The following PTPRO variants were observed in gnomAD, a reference collection of about 807,000 sequenced individuals.
The protein encoded by PTPRO is protein tyrosine phosphatase receptor type O.
PTPRO carries 62 observed loss-of-function variants against 145.2 expected under a neutral mutation model. The observed-to-expected ratio is 0.43, with a 90% CI of 0.35 to 0.53. The LOEUF (loss-of-function observed/expected upper bound fraction) is 0.53. PTPRO is among the 20% of genes least tolerant of loss of function. PTPRO has a pLI of 0.01. For synonymous variants in PTPRO, 565 were observed against 514.7 expected (o/e 1.10, Z -1.32); for missense variants, 1,345 against 1,482.7 (o/e 0.91, Z 1.53).
chr12:15,362,782 C>G (rs11056452), intron 1 of PTPRO, among the ~76,000 whole-genome samples: 1 of 151,702 alleles, frequency 6.6e-6, no homozygotes, highest in East Asian at 1.9e-4. Context: ...TAAAATAAAA[C>G]GATATTATAG....
intron 10 of PTPRO, 126 bp from the exon 11 acceptor site, chr12:15,524,688 C>T (rs116604240): frequency 4.1e-4 from 414 of 1,017,510 alleles, no homozygotes; most frequent in African/African-American, 3.9e-3. Context: ...CTGAAGTTAC[C>T]GGGACTATCG....
rs1866342742 is a variant in PTPRO at position 15,322,928 on chromosome 12, G to A, written c.75+127G>A. ...GGCCCAGCCGCGGGAAGCGCCTGCCGTGCAGCCTGGGCGCACGCTTTGTTG... is the reference window on the plus strand; with the variant it reads ...GGCCCAGCCGCGGGAAGCGCCTGCCATGCAGCCTGGGCGCACGCTTTGTTG... On this transcript the variant is annotated intron_variant, in intron 1 of 26. Coordinates refer to ENST00000281171, the MANE Select transcript of PTPRO (RefSeq NM_030667.3). The surrounding 1 kb of genome is among the most constrained non-coding windows in gnomAD (Gnocchi z 6.3). 1 of 887,106 alleles carries A rather than the reference G, an allele frequency of 1.1e-6. No homozygotes were observed. The highest frequency in any genetic ancestry group is 1.7e-6 in the Non-Finnish European group (1 of 586,108). 55.0% of individuals were successfully genotyped at this position (887,106 alleles called of 1,614,324 possible).
chr12:15,526,057 G>C (rs766172493), intron 11 of PTPRO, 85 bp from the exon 12 acceptor site: 22 of 1,504,182 alleles, frequency 1.5e-5, no homozygotes, highest in Non-Finnish European at 2.0e-5. Context: ...GAGGGAATGT[G>C]TCTGCTATAG....
rs202155227 is a variant in PTPRO at position 15,581,786 on chromosome 12, C to G, written c.3240C>G (p.His1080Gln). ...EEEQDDWACR[H>Q]FRINYADEMQ... Reference sequence around the variant, plus strand: ...AGCAGGACGACTGGGCCTGTAGACACTTCCGGATCAACTATGTAAGTCACC... The same window carrying G: ...AGCAGGACGACTGGGCCTGTAGACAGTTCCGGATCAACTATGTAAGTCACC... The change falls in exon 23 of 27, where the codon CAC (histidine) becomes CAG (glutamine). Residue 1080 changes from histidine to glutamine, a missense_variant. His to Gln is a conservative substitution (Grantham distance 24). Around this residue, in one of 3 missense-constraint regions of PTPRO, gnomAD observed 208 missense variants for 242.8 expected, o/e 0.86. Coordinates refer to ENST00000281171, the MANE Select transcript of PTPRO (RefSeq NM_030667.3). 1.3e-5 allele frequency: 21 copies of G among 1,613,858 alleles called. No homozygotes were observed. Among genetic ancestry groups the G allele is most frequent in the Non-Finnish European group, 1.7e-5 (20 of 1,179,906 alleles).
chr12:15,551,674 A>G lies in PTPRO; in HGVS notation c.2558+3A>G. 1 of 1,612,988 alleles carries G rather than the reference A, an allele frequency of 6.2e-7. No individual in the cohort carries two copies. Among genetic ancestry groups the G allele is most frequent in the African/African-American group, 1.3e-5 (1 of 75,016 alleles). ...AAAAAGCATCTGCAGATGGCTAGGT[A>G]AGTTAAGTTTTACTAATATTTTATC... On this transcript the variant is annotated splice_donor_region_variant and intron_variant, in intron 15 of 26. Transcript: ENST00000281171.
intron 1 of PTPRO, among the ~76,000 whole-genome samples, chr12:15,478,917 C>T (rs897832953): frequency 1.3e-5 from 2 of 152,076 alleles, no homozygotes; most frequent in Admixed American, 6.5e-5. Context: ...GTGATCCGCC[C>T]GCCTCGGCCT....
chr12:15,430,051 G>A (rs1204203136), intron 1 of PTPRO, among the ~76,000 whole-genome samples: 2 of 151,778 alleles, frequency 1.3e-5, no homozygotes, highest in Non-Finnish European at 2.9e-5. Context: ...TTGAGTTTGC[G>A]GTGCCTTTCT....
chr12:15,585,251 C>T (rs1481593337), intron 23 of PTPRO, among the ~76,000 whole-genome samples: 2 of 152,216 alleles, frequency 1.3e-5, no homozygotes, highest in Non-Finnish European at 2.9e-5. Flanking sequence ...CCTGAACTTT[C>T]CTGGCAACCA....
chr12:15,551,200 A>G (rs1484039628), intron 14 of PTPRO, among the ~76,000 whole-genome samples: 1 of 152,214 alleles, frequency 6.6e-6, no homozygotes, highest in Non-Finnish European at 1.5e-5. Context: ...AAAATGTTAA[A>G]AAACGATAAT....
At chr12:15,436,236 C>T (rs1476499298) in intron 1 of PTPRO, among the ~76,000 whole-genome samples, 5 of 152,070 alleles carry the variant, frequency 3.3e-5, no homozygotes. Context: ...CAAGAGCAAA[C>T]ACATTCAAAA....
chr12:15,413,650 A>G (rs1358244608), intron 1 of PTPRO, among the ~76,000 whole-genome samples: 1 of 152,076 alleles, frequency 6.6e-6, no homozygotes, highest in Non-Finnish European at 1.5e-5. Flanking sequence ...CCCTGTCTCT[A>G]CTAAAAATAC....
chr12:15,450,716 T>A (rs1941022884), intron 1 of PTPRO, among the ~76,000 whole-genome samples: 1 of 152,046 alleles, frequency 6.6e-6, no homozygotes, highest in South Asian at 2.1e-4. Context: ...AAGGCCATAG[T>A]GAGCCATGAT....
intron 1 of PTPRO, 100 bp from the exon 2 acceptor site, chr12:15,483,874 T>C (rs538832285): frequency 7.7e-7 from 1 of 1,306,030 alleles, no homozygotes; most frequent in Non-Finnish European, 1.1e-6. Flanking sequence ...TAACTAATGT[T>C]TATGATACAC....
chr12:15,590,111 A>G (rs1944514614), intron 25 of PTPRO, among the ~76,000 whole-genome samples: 1 of 152,198 alleles, frequency 6.6e-6, no homozygotes, highest in Non-Finnish European at 1.5e-5. Context: ...AGTTCCCTTC[A>G]TCTCAATGAT....
intron 18 of PTPRO, among the ~76,000 whole-genome samples, chr12:15,567,011 AT>A (rs1943916467): frequency 6.6e-6 from 1 of 152,204 alleles, no homozygotes; most frequent in Non-Finnish European, 1.5e-5. Context: ...AGACTAGAGC[AT>A]TTAGAAGATA....
intron 2 of PTPRO, among the ~76,000 whole-genome samples, chr12:15,492,267 T>C (rs941847587): frequency 5.1e-4 from 77 of 152,286 alleles, no homozygotes; most frequent in African/African-American, 1.8e-3. Flanking sequence ...GAAGAACTTA[T>C]GCTAAAAAAG....
chr12:15,509,036 T>G (rs11056534), intron 7 of PTPRO, among the ~76,000 whole-genome samples: 1 of 152,154 alleles, frequency 6.6e-6, no homozygotes, highest in African/African-American at 2.4e-5. Context: ...TGTGCCAGGT[T>G]CTAAGATAGA....
chr12:15,471,076 C>T (rs902426982), intron 1 of PTPRO, among the ~76,000 whole-genome samples: 1 of 152,112 alleles, frequency 6.6e-6, no homozygotes, highest in African/African-American at 2.4e-5. Flanking sequence ...GTCCCTTTAC[C>T]AAACAACAGG....
At chr12:15,460,806 C>G (rs1461112155) in intron 1 of PTPRO, among the ~76,000 whole-genome samples, 1 of 152,162 alleles carries the variant, frequency 6.6e-6, no homozygotes, top group East Asian at 1.9e-4. Context: ...TTTTCTGGGT[C>G]TTGGGTTTCC....
Sources: gnomAD v4.1 joint callset for allele counts (sites outside exome capture counted in the v4.1 genomes callset) on GRCh38, gnomAD v4.1.1 for gene constraint, gnomAD v4.1.1 regional missense constraint, Gnocchi (gnomAD v3.1) non-coding constraint, MANE v1.5 for transcripts, NCBI Gene and HGNC (gene_info 2026-07-23, HGNC 2026-07-21) for gene names.